TRPM3: variants seen among roughly 807,000 people sequenced by gnomAD.
The protein encoded by TRPM3 is transient receptor potential cation channel subfamily M member 3.
In TRPM3, 77 loss-of-function variants were observed where a neutral mutation model predicts 181.2. That is an observed-to-expected ratio of 0.42 (90% CI 0.35 to 0.51). The LOEUF is 0.51. Among genes scored for constraint, TRPM3 ranks in the 20% least tolerant of loss-of-function variants. The pLI, the probability that TRPM3 is intolerant of heterozygous loss-of-function variation, is 0.01. For synonymous variants in TRPM3, 745 were observed against 796.4 expected, an observed-to-expected ratio of 0.94 and a Z score of 1.09; for missense variants, 1,759 against 2,196.7, an observed-to-expected ratio of 0.80 and a Z score of 3.98.
intron 5 of TRPM3, among the ~76,000 whole-genome samples, chr9:70,832,740 G>C (rs1235417685): frequency 6.6e-6 from 1 of 152,140 alleles, no homozygotes; most frequent in Non-Finnish European, 1.5e-5. Context: ...GCTAATCTAA[G>C]AAAACTGCTT....
chr9:71,035,992 T>TTG (rs1308592965), intron 1 of TRPM3, among the ~76,000 whole-genome samples: 3 of 150,858 alleles, frequency 2.0e-5, no homozygotes, highest in Non-Finnish European at 4.4e-5. Flanking sequence ...CTTTTTTTTT[T>TTG]TTTTTTTTTT....
Position 70,625,398 on chromosome 9 carries a change from T to G in TRPM3, c.1669-67A>C, listed in dbSNP as rs2133284565. The G allele has an allele frequency of 2.5e-6, 4 of 1,602,598 alleles. No individual in the cohort carries two copies. The South Asian group carries it at 4.5e-5, about 18-fold the overall frequency. On this transcript the variant is annotated intron_variant, in intron 13 of 25. Coordinates refer to ENST00000677713, the MANE Select transcript of TRPM3 (RefSeq NM_001366145.2). The surrounding 1 kb of genome is among the most constrained non-coding windows in gnomAD (Gnocchi z 4.8). ...AACGTGGTTTACTAGGGATTCTACTTCACGTATTCTGTAACTAGAGTAAAA... is the reference window on the plus strand; with the variant it reads ...AACGTGGTTTACTAGGGATTCTACTGCACGTATTCTGTAACTAGAGTAAAA...
chr9:70,537,209 T>C lies in TRPM3; in HGVS notation c.3904A>G (p.Thr1302Ala). The change falls in exon 26 of 26, where the codon ACG becomes GCG. Residue 1302 changes from threonine (T) to alanine (A), a missense_variant. Transcript: ENST00000677713. ...TGACGGACAATGTAGGCGGCGTCCG[T>C]GCAGTCTGACGAGGTCCTCGAGCGG... ...KIRSRTSSDC[T>A]DAAYIVRQSS... 6.3e-7 allele frequency: 1 copy of C among 1,597,098 alleles called. No homozygotes were observed. The highest frequency in any genetic ancestry group is 8.6e-7 in the Non-Finnish European group (1 of 1,167,712).
rs267602262 is a variant in TRPM3, at chr9:70,846,448, G to A, written c.606C>T (p.Val202=). 4 of 1,614,030 alleles carry A rather than the reference G, an allele frequency of 2.5e-6. No individual in the cohort carries two copies. The South Asian group carries it at 4.4e-5, about 18-fold the overall frequency. The change falls in exon 4 of 26, where the codon GTC becomes GTT. Residue 202 remains valine (V), a synonymous_variant. Coordinates refer to ENST00000677713, the MANE Select transcript of TRPM3 (RefSeq NM_001366145.2). ...NFELQPKLKQ[V]FGKGLIKAAM... is the part of the protein sequence containing the mutation. The stretch of plus-strand genomic sequence containing the variant: ...CTGCTTTGATGAGCCCTTTCCCAAA[G>A]ACTTGCTTGAGTTTTGGCTGGAGTT...
intron 1 of TRPM3, among the ~76,000 whole-genome samples, chr9:70,892,437 T>C (rs1345304503): frequency 2.0e-5 from 3 of 152,104 alleles, no homozygotes; most frequent in African/African-American, 4.8e-5. Flanking sequence ...TTACAAACAA[T>C]ATCAAAATTA....
intron 8 of TRPM3, among the ~76,000 whole-genome samples, chr9:70,750,980 GAA>G (rs5898164): frequency 2.0e-4 from 29 of 142,866 alleles, no homozygotes; most frequent in African/African-American, 3.5e-4. Context: ...ATATTACCAA[GAA>G]AAAAAAAAAA....
chr9:71,013,465 GT>G (rs556048485), intron 1 of TRPM3, among the ~76,000 whole-genome samples: 5 of 150,748 alleles, frequency 3.3e-5, no homozygotes, highest in South Asian at 2.1e-4. Flanking sequence ...AAGCTTTTGG[GT>G]TTTTTTTTGT....
At chr9:71,319,176 A>G (rs983731625) in intron 1 of TRPM3, among the ~76,000 whole-genome samples, 1 of 152,138 alleles carries the variant, frequency 6.6e-6, no homozygotes, top group African/African-American at 2.4e-5. Context: ...ATACTTTGTA[A>G]GTGTATTAGT....
chr9:70,532,266 ATAT>A lies in TRPM3; in HGVS notation c.*3684_*3686del, dbSNP rs932015774. 1 of 152,328 alleles carries A rather than the reference ATAT, an allele frequency of 6.6e-6. No homozygotes were observed. The highest frequency in any genetic ancestry group is 2.4e-5 in the African/African-American group (1 of 41,564). 9.4% of individuals were successfully genotyped at this position (152,328 alleles called of 1,614,324 possible). A position where few individuals can be genotyped will look rare whatever the true frequency, so the allele number is the denominator to read the frequency against. On this transcript the variant is annotated 3_prime_UTR_variant, in exon 26 of 26. Coordinates refer to ENST00000677713, the MANE Select transcript of TRPM3 (RefSeq NM_001366145.2). ...AAGTACTATCCAGTTATCTACCATA[ATAT>A]TATCTATAGAAACCATATTTTAGAA...
chr9:71,197,506 A>G (rs1020390894), intron 1 of TRPM3, among the ~76,000 whole-genome samples: 1 of 151,540 alleles, frequency 6.6e-6, no homozygotes, highest in African/African-American at 2.4e-5. Context: ...AAGTGTTCCT[A>G]TTTCTCCACA....
intron 12 of TRPM3, among the ~76,000 whole-genome samples, chr9:70,628,768 G>C (rs947858744): frequency 7.3e-6 from 1 of 137,860 alleles, no homozygotes; most frequent in Non-Finnish European, 1.5e-5. Flanking sequence ...GAAGTGAGCC[G>C]AGATTGCACC....
chr9:71,077,143 C>T (rs999856207), intron 1 of TRPM3, among the ~76,000 whole-genome samples: 11 of 152,164 alleles, frequency 7.2e-5, no homozygotes, highest in African/African-American at 2.7e-4. Flanking sequence ...ATTCATACAC[C>T]TAAACAGGAA....
intron 1 of TRPM3, among the ~76,000 whole-genome samples, chr9:70,967,790 G>A (rs1357749425): frequency 1.3e-5 from 2 of 152,016 alleles, no homozygotes. Flanking sequence ...TTTATATAGG[G>A]TTTTGAAAAT....
intron 18 of TRPM3, among the ~76,000 whole-genome samples, chr9:70,611,982 T>C (rs1193083648): frequency 6.6e-6 from 1 of 152,196 alleles, no homozygotes; most frequent in African/African-American, 2.4e-5. Flanking sequence ...GGTGGCACCA[T>C]GGGAAAGGTT....
chr9:71,017,984 T>A (rs541908874), intron 1 of TRPM3, among the ~76,000 whole-genome samples: 1 of 152,028 alleles, frequency 6.6e-6, no homozygotes, highest in East Asian at 1.9e-4. Context: ...AATGTTATGA[T>A]CACAGAGTAA....
At chr9:70,586,645 A>G (rs2057183997) in intron 22 of TRPM3, among the ~76,000 whole-genome samples, 2 of 151,992 alleles carry the variant, frequency 1.3e-5, no homozygotes, top group Admixed American at 1.3e-4. Flanking sequence ...GTCAAGCAAC[A>G]CTCCCCACGC....
intron 1 of TRPM3, among the ~76,000 whole-genome samples, chr9:71,284,320 C>A (rs1383192670): frequency 6.6e-6 from 1 of 152,150 alleles, no homozygotes; most frequent in Non-Finnish European, 1.5e-5. Flanking sequence ...GGATAATCAT[C>A]CAGAGTTTTT....
At chr9:71,282,063 GAA>G (rs1565417535) in intron 1 of TRPM3, among the ~76,000 whole-genome samples, 1 of 97,232 alleles carries the variant, frequency 1.0e-5, no homozygotes, top group Non-Finnish European at 2.1e-5. Flanking sequence ...CAGAAAGAGA[GAA>G]AGAAAGGAAA....
chr9:70,853,880 G>C (rs749481523), intron 3 of TRPM3, among the ~76,000 whole-genome samples: 1 of 152,154 alleles, frequency 6.6e-6, no homozygotes, highest in African/African-American at 2.4e-5. Context: ...AGCAACACAG[G>C]TACATGTTTT....
Sources: allele counts gnomAD v4.1 joint callset (sites outside exome capture counted in the v4.1 genomes callset), GRCh38; gene constraint gnomAD v4.1.1; non-coding constraint Gnocchi (gnomAD v3.1); transcripts MANE v1.5; gene names NCBI Gene and HGNC (gene_info 2026-07-23, HGNC 2026-07-21).